AQP4: variants seen among roughly 807,000 people sequenced by gnomAD.
AQP4 encodes the protein aquaporin 4.
In AQP4, 18 loss-of-function variants were observed where a neutral mutation model predicts 27.8. That is an observed-to-expected ratio of 0.65 (90% CI 0.45 to 0.96). AQP4 has a LOEUF of 0.96. AQP4 is among the 40% of genes least tolerant of loss of function. The pLI is 0.00. For synonymous variants in AQP4, 141 were observed against 142.9 expected, an observed-to-expected ratio of 0.99 and a Z score of 0.10; for missense variants, 412 against 408.2, an observed-to-expected ratio of 1.01 and a Z score of -0.08.
Position 26,862,212 on chromosome 18 carries a change from G to A in AQP4, c.417C>T (p.Pro139=), listed in dbSNP as rs762166320. Residue 139 remains proline (P), a synonymous_variant, in exon 2 of 5, where the codon CCC becomes CCT. Transcript: ENST00000383168. ...GAGILYLVTP[P]SVVGGLGVTM... ...TGACTCCCAGGCCTCCCACCACACT[G>A]GGAGGTGTGACCAGATAGAGGATTC... is the stretch of plus-strand genomic sequence containing the variant. 1 of 1,614,150 alleles carries A rather than the reference G, an allele frequency of 6.2e-7. No individual in the cohort carries two copies. Among genetic ancestry groups the A allele is most frequent in the East Asian group, 2.2e-5 (1 of 44,872 alleles).
chr18:26,856,150 G>C lies in AQP4; in HGVS notation c.*61C>G. The C allele has an allele frequency of 6.3e-7, 1 of 1,586,136 alleles. No individual in the cohort carries two copies. Among genetic ancestry groups the C allele is most frequent in the Non-Finnish European group, 8.7e-7 (1 of 1,155,168 alleles). On this transcript the variant is annotated 3_prime_UTR_variant, in exon 5 of 5. Coordinates refer to ENST00000383168, the MANE Select transcript of AQP4 (RefSeq NM_001650.7). The stretch of plus-strand genomic sequence containing the variant: ...TATAACAAATCTGTTTCCTTAATGG[G>C]TGGAAGGAAATCTGAGGACAGTTCT...
rs569011323 is a variant in AQP4, at chr18:26,857,545, C to T, written c.694-1056G>A. Among the ~76,000 whole-genome samples, 175 of 152,180 alleles carry T rather than the reference C, an allele frequency of 1.1e-3. 1 individual carries two copies. The highest frequency in any genetic ancestry group is 3.9e-3 in the African/African-American group (162 of 41,516). ...GTTTCACTGTGTTAGCCAGGATGGT[C>T]TCAATCTCCTGACCTCGTGATCCAC... On this transcript the variant is annotated intron_variant, in intron 4 of 4. Transcript: ENST00000383168.
rs2054791800 is a variant in AQP4 at position 26,853,673 on chromosome 18, C to T, written c.*2538G>A. 6.6e-6 allele frequency: 1 copy of T among 152,606 alleles called. No homozygotes were observed. The highest frequency in any genetic ancestry group is 2.4e-5 in the African/African-American group (1 of 41,436). 9.5% of individuals were successfully genotyped at this position (152,606 alleles called of 1,614,324 possible). Reference sequence around the variant, plus strand: ...AAGAAGGGATTAAAGAAAAAAGCCCCAGTCTCCTAATACACTTGGATAATT... The same window carrying T: ...AAGAAGGGATTAAAGAAAAAAGCCCTAGTCTCCTAATACACTTGGATAATT... On this transcript the variant is annotated 3_prime_UTR_variant, in exon 5 of 5. Coordinates refer to ENST00000383168, the MANE Select transcript of AQP4 (RefSeq NM_001650.7).
rs1169684521 is a variant in AQP4 at position 26,862,557 on chromosome 18, C to T, written c.72G>A (p.Val24=). The T allele has an allele frequency of 6.2e-7, 1 of 1,613,964 alleles. No individual in the cohort carries two copies. The highest frequency in any genetic ancestry group is 8.5e-7 in the Non-Finnish European group (1 of 1,180,038). ...CTTGAGTCCAGACCCCTTTGAAAGC[C>T]ACCATGATGTTCTCTCTGGTACACA... The part of the protein sequence containing the change: ...GPLCTRENIM[V]AFKGVWTQAF... The change falls in exon 2 of 5, where the codon GTG becomes GTA. Residue 24 remains valine, a synonymous_variant. Transcript: ENST00000383168.
At position 26,861,699 on chromosome 18, in the gene AQP4, T is replaced by G. The variant is rs113213811; in HGVS notation, c.448-404A>C. 4.8e-3 allele frequency among the ~76,000 whole-genome samples: 730 copies of G among 152,184 alleles called. 5 individuals are homozygous for G. The highest frequency in any genetic ancestry group is 0.017 in the African/African-American group (691 of 41,490). On this transcript the variant is annotated intron_variant, in intron 2 of 4. Transcript: ENST00000383168. ...CAATTAAAATTTAAGCCATGTGTGT[T>G]TTTTTTTAATCAGCCCTGGTGCTGA...
rs1285876461 is a variant in AQP4 at position 26,854,161 on chromosome 18, T to A, written c.*2050A>T. 2 of 152,184 alleles carry A rather than the reference T, an allele frequency of 1.3e-5. No homozygotes were observed. Among genetic ancestry groups the A allele is most frequent in the Non-Finnish European group, 2.9e-5 (2 of 68,046 alleles). The allele number at this position is 152,184 out of a possible 1,614,324, so 9.4% of individuals were successfully genotyped here. On this transcript the variant is annotated 3_prime_UTR_variant, in exon 5 of 5. Coordinates refer to ENST00000383168, the MANE Select transcript of AQP4 (RefSeq NM_001650.7). ...CTATAATTGGAAGTGAGTGTAAAAG[T>A]GAGTGTATATGAAATAAACCATATG...
chr18:26,860,954 A>C, intron 3 of AQP4, 102 bp from the exon 4 acceptor site: 1 of 1,386,104 alleles, frequency 7.2e-7, no homozygotes, highest in Non-Finnish European at 1.0e-6. Context: ...GAGGAACCTC[A>C]AGATATTAGC....
At chr18:26,864,485 G>C (rs59439491) in intron 1 of AQP4, among the ~76,000 whole-genome samples, 5,507 of 152,252 alleles carry the variant, frequency 0.036, 275 homozygotes, top group African/African-American at 0.11. Flanking sequence ...CCCCAGGTGG[G>C]ATGACAACGA....
At position 26,856,335 on chromosome 18, in the gene AQP4, T is replaced by C; in HGVS notation, c.848A>G (p.Asn283Ser). ...TKGSYMEVED[N>S]RSQVETDDLI... Reference sequence around the variant, plus strand: ...GTCATCCGTCTCTACCTGACTCCTGTTGTCCTCCACCTCCATGTAGCTTCC... The same window carrying C: ...GTCATCCGTCTCTACCTGACTCCTGCTGTCCTCCACCTCCATGTAGCTTCC... Residue 283 changes from asparagine (N) to serine (S), a missense_variant, in exon 5 of 5, where the codon AAC (asparagine) becomes AGC (serine). Transcript: ENST00000383168. 1 of 1,614,226 alleles carries C rather than the reference T, an allele frequency of 6.2e-7. No homozygotes were observed. Among genetic ancestry groups the C allele is most frequent in the East Asian group, 2.2e-5 (1 of 44,882 alleles).
chr18:26,856,284 T>G lies in AQP4; in HGVS notation c.899A>C (p.His300Pro), dbSNP rs781524733. 1.2e-6 allele frequency: 2 copies of G among 1,614,220 alleles called. No individual in the cohort carries two copies. Among genetic ancestry groups the G allele is most frequent in the South Asian group, 2.2e-5 (2 of 91,078 alleles). Residue 300 changes from histidine (H) to proline (P), a missense_variant, in exon 5 of 5, where the codon CAT becomes CCT. Coordinates refer to ENST00000383168, the MANE Select transcript of AQP4 (RefSeq NM_001650.7). The part of the protein sequence containing the change: ...DDLILKPGVV[H>P]VIDVDRGEEK... ...CTCTCCCCGGTCAACGTCAATCACA[T>G]GCACCACTCCAGGTTTTAGAATCAG...
At chr18:26,863,692 A>T (rs1324934693) in intron 1 of AQP4, among the ~76,000 whole-genome samples, 1 of 151,836 alleles carries the variant, frequency 6.6e-6, no homozygotes, top group Non-Finnish European at 1.5e-5. Context: ...TCGGGAAGTC[A>T]GGAAAAGCGG....
rs2054959313 is a variant in AQP4, at chr18:26,862,208, C to T, written c.421G>A (p.Val141Met). 31 of 1,614,192 alleles carry T rather than the reference C, an allele frequency of 1.9e-5. No individual in the cohort carries two copies. The highest frequency in any genetic ancestry group is 2.6e-5 in the Non-Finnish European group (31 of 1,180,038). The change falls in exon 2 of 5, where the codon GTG becomes ATG. Residue 141 changes from valine (V) to methionine (M), a missense_variant. Coordinates refer to ENST00000383168, the MANE Select transcript of AQP4 (RefSeq NM_001650.7). ...GILYLVTPPS[V>M]VGGLGVTMVH... ...ATGGTGACTCCCAGGCCTCCCACCA[C>T]ACTGGGAGGTGTGACCAGATAGAGG...
At chr18:26,861,840 A>G (rs1042486897) in intron 2 of AQP4, among the ~76,000 whole-genome samples, 2 of 152,162 alleles carry the variant, frequency 1.3e-5, no homozygotes, top group African/African-American at 4.8e-5. Flanking sequence ...ACAAGAAAAT[A>G]GTTTTTTTCT....
chr18:26,852,365 G>A lies in AQP4; in HGVS notation c.*3846C>T, dbSNP rs1377975280. On this transcript the variant is annotated 3_prime_UTR_variant, in exon 5 of 5. Coordinates refer to ENST00000383168, the MANE Select transcript of AQP4 (RefSeq NM_001650.7). ...GCATGTTTATTTAATTAATCCTGAA[G>A]AGAACCTAGAAATACATTCCAATGG... 1 of 152,650 alleles carries A rather than the reference G, an allele frequency of 6.6e-6. No individual in the cohort carries two copies. The highest frequency in any genetic ancestry group is 1.5e-5 in the Non-Finnish European group (1 of 68,602). 9.5% of individuals were successfully genotyped at this position (152,650 alleles called of 1,614,324 possible). A position where few individuals can be genotyped will look rare whatever the true frequency, so the allele number is the denominator to read the frequency against.
Position 26,853,455 on chromosome 18 carries a change from A to C in AQP4, c.*2756T>G, listed in dbSNP as rs1294978484. On this transcript the variant is annotated 3_prime_UTR_variant, in exon 5 of 5. Coordinates refer to ENST00000383168, the MANE Select transcript of AQP4 (RefSeq NM_001650.7). ...CCCTTTTGTACACTTTTGACAAACTATGTGCGTTTTCAGTGTAGGGACCAC... is the reference window on the plus strand; with the variant it reads ...CCCTTTTGTACACTTTTGACAAACTCTGTGCGTTTTCAGTGTAGGGACCAC... 6.6e-6 allele frequency: 1 copy of C among 152,218 alleles called. No homozygotes were observed. Among genetic ancestry groups the C allele is most frequent in the East Asian group, 1.9e-4 (1 of 5,204 alleles). 9.4% of individuals were successfully genotyped at this position (152,218 alleles called of 1,614,324 possible).
chr18:26,853,137 C>T lies in AQP4; in HGVS notation c.*3074G>A. 2.7e-6 allele frequency: 1 copy of T among 365,678 alleles called. No individual in the cohort carries two copies. The highest frequency in any genetic ancestry group is 4.9e-6 in the Non-Finnish European group (1 of 205,774). The allele number at this position is 365,678 out of a possible 1,614,324, so 22.7% of individuals were successfully genotyped here. On this transcript the variant is annotated 3_prime_UTR_variant, in exon 5 of 5. Transcript: ENST00000383168. ...ATGTTTTCCAAAGATTTCTAATCTC[C>T]TTGTAAAGTCTTCAATACTGAGCAG... is the stretch of plus-strand genomic sequence containing the variant.
At chr18:26,856,569 C>A in intron 4 of AQP4, 80 bp from the exon 5 acceptor site, 1 of 1,521,260 alleles carries the variant, frequency 6.6e-7, no homozygotes. Flanking sequence ...TAGAATCTAG[C>A]TGGGTTAAAT....
chr18:26,852,254 T>C lies in AQP4; in HGVS notation c.*3957A>G, dbSNP rs548245568. 6.6e-6 allele frequency: 1 copy of C among 152,344 alleles called. No homozygotes were observed. Among genetic ancestry groups the C allele is most frequent in the East Asian group, 1.9e-4 (1 of 5,192 alleles). 9.4% of individuals were successfully genotyped at this position (152,344 alleles called of 1,614,324 possible). Reference sequence around the variant, plus strand: ...TGAATATAACCATATGTTCAGTCTATTCTCCCCAGTTTATCCTAAATGACA... The same window carrying C: ...TGAATATAACCATATGTTCAGTCTACTCTCCCCAGTTTATCCTAAATGACA... On this transcript the variant is annotated 3_prime_UTR_variant, in exon 5 of 5. Transcript: ENST00000383168.
At position 26,861,261 on chromosome 18, in the gene AQP4, A is replaced by G; in HGVS notation, c.482T>C (p.Leu161Pro). 6.2e-7 allele frequency: 1 copy of G among 1,614,162 alleles called. No homozygotes were observed. The highest frequency in any genetic ancestry group is 1.1e-5 in the South Asian group (1 of 91,088). The change falls in exon 3 of 5, where the codon CTG (leucine) becomes CCG (proline). Residue 161 changes from leucine to proline, a missense_variant. Physicochemically the swap from Leu to Pro is moderately conservative, Grantham distance 98. Transcript: ENST00000383168. ...HGNLTAGHGL[L>P]VELIITFQLV... ...TTGAAATGTGATTATCAACTCAACC[A>G]GGAGACCATGACCAGCGGTAAGATT...
Sources: gnomAD v4.1 joint callset for allele counts (sites outside exome capture counted in the v4.1 genomes callset) on GRCh38, gnomAD v4.1.1 for gene constraint, MANE v1.5 for transcripts, NCBI Gene and HGNC (gene_info 2026-07-23, HGNC 2026-07-21) for gene names.